The following EEF1E1 variants were observed in gnomAD, a reference collection of about 807,000 sequenced individuals.
EEF1E1 encodes eukaryotic translation elongation factor 1 epsilon 1, also known as eukaryotic translation elongation factor 1 epsilon-1.
A neutral mutation model predicts 19.9 loss-of-function variants in EEF1E1; 19 were observed. That is an observed-to-expected ratio of 0.95 (90% confidence interval 0.66 to 1.40). The LOEUF (loss-of-function observed/expected upper bound fraction) is 1.40, where lower values mean the gene tolerates loss of function less well. Among genes scored for constraint, EEF1E1 ranks in the 40% most tolerant of loss-of-function variants. The probability of loss-of-function intolerance (pLI) is 0.00; values close to 1 mark genes in which losing one functional copy is unlikely to be tolerated. For synonymous variants in EEF1E1, 81 were observed against 80.0 expected (o/e 1.01, Z -0.07); for missense variants, 198 against 202.2 (o/e 0.98, Z 0.13).
chr6:8,085,113 T>C (rs1757816224), intron 3 of EEF1E1, among the ~76,000 whole-genome samples: 1 of 152,180 alleles, frequency 6.6e-6, no homozygotes, highest in Non-Finnish European at 1.5e-5. Flanking sequence ...AAATCTGAAA[T>C]AGGAACTATA....
rs573138109 is a variant in EEF1E1, at chr6:8,102,022, T to C, written c.87+413A>G. The C allele has an allele frequency of 2.2e-4, 263 of 1,197,538 alleles. 1 individual carries two copies. The highest frequency in any genetic ancestry group is 7.3e-4 in the Middle Eastern group (2 of 2,738). The allele number at this position is 1,197,538 out of a possible 1,614,324, so 74.2% of individuals were successfully genotyped here. ...GTATTCCCCAGACCCAGCACGGTGC[T>C]ACCTGGCACCCTGTTAGCTATAACG... On this transcript the variant is annotated intron_variant, in intron 1 of 3. Coordinates refer to ENST00000379715, the MANE Select transcript of EEF1E1 (RefSeq NM_004280.5).
Position 8,080,044 on chromosome 6 carries a change from A to C in EEF1E1, c.385-14T>G, listed in dbSNP as rs1757688632. On this transcript the variant is annotated splice_polypyrimidine_tract_variant and intron_variant, in intron 3 of 3. Coordinates refer to ENST00000379715, the MANE Select transcript of EEF1E1 (RefSeq NM_004280.5). ...TGTCAGGTCAACCTAAGTAGAGATT[A>C]AAAACATACACACACAACACAGATG... 2.5e-6 allele frequency: 4 copies of C among 1,612,294 alleles called. No individual in the cohort carries two copies. The highest frequency in any genetic ancestry group is 1.3e-5 in the African/African-American group (1 of 74,904).
chr6:8,100,424 A>C (rs151157078), intron 1 of EEF1E1, among the ~76,000 whole-genome samples: 1,594 of 152,320 alleles, frequency 0.01, 33 homozygotes, highest in African/African-American at 0.036. Flanking sequence ...AAAAGAAGTC[A>C]GGTTGAGGGG....
intron 3 of EEF1E1, 165 bp downstream of exon 3, chr6:8,090,021 G>A (rs972116744): frequency 2.3e-6 from 1 of 430,536 alleles, no homozygotes; most frequent in African/African-American, 2.0e-5. Flanking sequence ...TAGGGTACAT[G>A]TGCACAACGT....
chr6:8,075,668 G>A (rs1048356960), downstream of EEF1E1, among the ~76,000 whole-genome samples: 1 of 152,182 alleles, frequency 6.6e-6, no homozygotes, highest in East Asian at 1.9e-4. Flanking sequence ...CATTGATCAG[G>A]GTGGTGGTTG....
rs112481116 is a variant in EEF1E1, at chr6:8,088,797, G to T, written c.384+1389C>A. Among the ~76,000 whole-genome samples, 236 of 152,306 alleles carry T rather than the reference G, an allele frequency of 1.5e-3. 1 individual carries two copies. The highest frequency in any genetic ancestry group is 5.5e-3 in the African/African-American group (227 of 41,572). ...AAGACAAGGATGCACAATCAGGCAGGCTGGAAGATGAAGGGATTCAGATGA... is the reference window on the plus strand; with the variant it reads ...AAGACAAGGATGCACAATCAGGCAGTCTGGAAGATGAAGGGATTCAGATGA... On this transcript the variant is annotated intron_variant, in intron 3 of 3. Transcript: ENST00000379715.
At chr6:8,101,792 G>C in intron 1 of EEF1E1, 2 of 1,289,246 alleles carry the variant, frequency 1.6e-6, no homozygotes, top group Non-Finnish European at 2.0e-6. Context: ...ATTCACTGTG[G>C]GTCGTAACAC....
intron 2 of EEF1E1, among the ~76,000 whole-genome samples, chr6:8,095,696 G>T (rs977819951): frequency 1.4e-4 from 21 of 151,928 alleles, no homozygotes; most frequent in African/African-American, 4.6e-4. Flanking sequence ...TTGTTGGTGG[G>T]ACTATGGATG....
chr6:8,074,416 G>A (rs564379688), downstream of EEF1E1, among the ~76,000 whole-genome samples: 2 of 152,266 alleles, frequency 1.3e-5, no homozygotes, highest in Admixed American at 1.3e-4. Flanking sequence ...CACCGACTGT[G>A]GTGTGCCAAT....
chr6:8,099,791 C>CACACACAAAAAA (rs768224090), intron 1 of EEF1E1, among the ~76,000 whole-genome samples: 42 of 114,678 alleles, frequency 3.7e-4, no homozygotes, highest in African/African-American at 6.3e-4. Flanking sequence ...CACACACACA[C>CACACACAAAAAA]AAAAAAAAAA....
intron 2 of EEF1E1, among the ~76,000 whole-genome samples, chr6:8,092,270 A>G (rs1758032333): frequency 1.3e-5 from 2 of 152,224 alleles, no homozygotes; most frequent in Non-Finnish European, 1.5e-5. Context: ...ATAGTGGTTC[A>G]GCAATCAGTA....
intron 2 of EEF1E1, among the ~76,000 whole-genome samples, chr6:8,094,363 G>A (rs1345949776): frequency 6.6e-6 from 1 of 151,870 alleles, no homozygotes; most frequent in Non-Finnish European, 1.5e-5. Context: ...TCAGGAGGCC[G>A]AGGCGGGTGG....
chr6:8,075,083 G>T (rs78933678), downstream of EEF1E1, among the ~76,000 whole-genome samples: 277 of 152,270 alleles, frequency 1.8e-3, 3 homozygotes, highest in African/African-American at 6.4e-3. Context: ...CCTGCTGAAT[G>T]GGGGGAGAAG....
chr6:8,102,058 G>A (rs1482157257), intron 1 of EEF1E1: 1 of 1,164,704 alleles, frequency 8.6e-7, no homozygotes, highest in African/African-American at 1.6e-5. Context: ...GAGTCGCTGC[G>A]CAATAACTGA....
Position 8,097,288 on chromosome 6 carries a change from A to G in EEF1E1, c.267T>C (p.Asn89=), listed in dbSNP as rs1485678787. 1 of 1,614,158 alleles carries G rather than the reference A, an allele frequency of 6.2e-7. No individual in the cohort carries two copies. Among genetic ancestry groups the G allele is most frequent in the Non-Finnish European group, 8.5e-7 (1 of 1,180,012 alleles). Reference sequence around the variant, plus strand: ...ATACCTTCAACAGTGTGTGGATGTCATTTTTACTGGAGTGCCCATCTACTT... The same window carrying G: ...ATACCTTCAACAGTGTGTGGATGTCGTTTTTACTGGAGTGCCCATCTACTT... ...VTQVDGHSSK[N]DIHTLLKDLN... is the part of the protein sequence containing the mutation. The change falls in exon 2 of 4, where the codon AAT becomes AAC. Residue 89 remains asparagine (N), a synonymous_variant. Transcript: ENST00000379715.
In EEF1E1 at chr6:8,073,501, GCTTC is replaced by G. The variant is rs766826250; in HGVS notation, c.390_393del (p.Arg130SerfsTer2). 6.4e-7 allele frequency: 1 copy of G among 1,551,558 alleles called. No individual in the cohort carries two copies. The highest frequency in any genetic ancestry group is 1.2e-5 in the South Asian group (1 of 84,044). ...TAGTTCCCTACCTCTGTGTGCCTCA[GCTTC>G]CTTATCTGCAAAAGGGGATAAAAAA... On this transcript the variant is annotated frameshift_variant, in exon 4 of 4. Coordinates refer to the EEF1E1 transcript ENST00000429723. LOFTEE classifies it high-confidence loss of function.
chr6:8,087,103 G>A (rs1411882269), intron 3 of EEF1E1, among the ~76,000 whole-genome samples: 1 of 152,106 alleles, frequency 6.6e-6, no homozygotes, highest in East Asian at 1.9e-4. Flanking sequence ...TGGGACCAGG[G>A]AACAAAAGAG....
intron 1 of EEF1E1, among the ~76,000 whole-genome samples, chr6:8,101,063 TA>T (rs1758336202): frequency 6.7e-6 from 1 of 148,658 alleles, no homozygotes; most frequent in African/African-American, 2.5e-5. Flanking sequence ...CGGTCTCTAC[TA>T]AAAATACAAA....
At chr6:8,076,755 C>G (rs1757600925), downstream of EEF1E1, among the ~76,000 whole-genome samples, 1 of 152,146 alleles carries the variant, frequency 6.6e-6, no homozygotes. Flanking sequence ...CATCAGAGCT[C>G]TAAGGGTAAC....
Sources: allele counts gnomAD v4.1 joint callset (sites outside exome capture counted in the v4.1 genomes callset), GRCh38; gene constraint gnomAD v4.1.1; transcripts MANE v1.5; gene names NCBI Gene and HGNC (gene_info 2026-07-23, HGNC 2026-07-21).